FNIP2: variants seen among roughly 807,000 people sequenced by gnomAD.
The protein encoded by FNIP2 is folliculin interacting protein 2.
A neutral mutation model predicts 108.7 loss-of-function variants in FNIP2; 32 were observed. The observed-to-expected ratio is 0.29, with a 90% CI of 0.22 to 0.40. FNIP2 has a LOEUF of 0.40. Ranked by LOEUF, FNIP2 falls within the 10% of genes least tolerant of loss-of-function variation. FNIP2 has a pLI of 1.00. For missense variants in FNIP2, 1,202 were observed against 1,381.6 expected, an observed-to-expected ratio of 0.87 and a Z score of 2.06; for synonymous variants, 480 against 496.7, an observed-to-expected ratio of 0.97 and a Z score of 0.45.
Position 158,868,470 on chromosome 4 carries a change from C to T in FNIP2, c.1834C>T (p.Leu612Phe), listed in dbSNP as rs373911070. 2.0e-5 allele frequency: 33 copies of T among 1,613,942 alleles called. No individual in the cohort carries two copies. Among genetic ancestry groups the T allele is most frequent in the Middle Eastern group, 1.6e-4 (1 of 6,084 alleles). The change falls in exon 13 of 17, where the codon CTT (leucine) becomes TTT (phenylalanine). Residue 612 changes from leucine (L) to phenylalanine (F), a missense_variant. Leu to Phe is a conservative substitution (Grantham distance 22). Around this residue, in one of 5 missense-constraint regions of FNIP2, gnomAD observed 878 missense variants for 990.3 expected, o/e 0.89. Transcript: ENST00000264433. The surrounding 1 kb of genome is among the most constrained non-coding windows in gnomAD (Gnocchi z 4.6). The part of the protein sequence containing the change: ...PEGTDSRDLG[L>F]KPDKEANRRP... ...GGGCACTGACAGTAGAGACCTGGGT[C>T]TTAAACCTGACAAAGAAGCTAACAG...
intron 1 of FNIP2, among the ~76,000 whole-genome samples, chr4:158,774,149 A>G (rs1775784983): frequency 6.6e-6 from 1 of 152,240 alleles, no homozygotes; most frequent in Admixed American, 6.5e-5. Flanking sequence ...TTAAAAAGTA[A>G]AAGCAAGTTA....
chr4:158,774,103 A>C (rs1299413058), intron 1 of FNIP2, among the ~76,000 whole-genome samples: 2 of 152,230 alleles, frequency 1.3e-5, no homozygotes, highest in Non-Finnish European at 2.9e-5. Flanking sequence ...TGCATGTAAC[A>C]AAATTACACT....
chr4:158,871,362 A>G (rs1192336886), intron 14 of FNIP2: 1 of 984,918 alleles, frequency 1.0e-6, no homozygotes, highest in African/African-American at 1.7e-5. Flanking sequence ...TCGCATTAAG[A>G]AAATCAGAAT....
At chr4:158,772,167 G>A (rs1334671500) in intron 1 of FNIP2, among the ~76,000 whole-genome samples, 1 of 152,194 alleles carries the variant, frequency 6.6e-6, no homozygotes, top group Admixed American at 6.5e-5. Flanking sequence ...TTTGGGAGAA[G>A]TAGTCAGGAA....
At chr4:158,885,231 C>T (rs1781963558) in intron 14 of FNIP2, among the ~76,000 whole-genome samples, 1 of 152,102 alleles carries the variant, frequency 6.6e-6, no homozygotes, top group Admixed American at 6.5e-5. Context: ...CCCCATGATC[C>T]AAACTCCTCC....
chr4:158,823,266 T>G (rs1429918662), intron 1 of FNIP2, among the ~76,000 whole-genome samples: 1 of 152,138 alleles, frequency 6.6e-6, no homozygotes, highest in Non-Finnish European at 1.5e-5. Flanking sequence ...GACCTCATTT[T>G]ATTTATTTAT....
intron 16 of FNIP2, among the ~76,000 whole-genome samples, chr4:158,901,014 G>T (rs965116011): frequency 6.6e-6 from 1 of 151,858 alleles, no homozygotes; most frequent in South Asian, 2.1e-4. Context: ...AGGAGCTCTT[G>T]TAAGGCAGGC....
chr4:158,831,604 A>G (rs1778485680), intron 3 of FNIP2, among the ~76,000 whole-genome samples: 1 of 152,222 alleles, frequency 6.6e-6, no homozygotes, highest in African/African-American at 2.4e-5. Flanking sequence ...TAACACAAAT[A>G]AAAATGAACT....
chr4:158,830,819 T>G (rs543004684), intron 3 of FNIP2, among the ~76,000 whole-genome samples: 20 of 152,358 alleles, frequency 1.3e-4, no homozygotes, highest in Non-Finnish European at 2.5e-4. Context: ...CATTCATACC[T>G]GTCCTGTTCA....
chr4:158,891,483 G>A lies in FNIP2; in HGVS notation c.2987G>A (p.Cys996Tyr). Residue 996 changes from cysteine (C) to tyrosine (Y), a missense_variant, in exon 15 of 17, where the codon TGT becomes TAT. Transcript: ENST00000264433. ...VLDEPIAEAVCIIADTDKWSV... is the reference protein window; with the variant it reads ...VLDEPIAEAVYIIADTDKWSV... ...GATGAGCCAATAGCTGAAGCTGTCTGTATTATCGCAGACACGGATAAATGG... is the reference window on the plus strand; with the variant it reads ...GATGAGCCAATAGCTGAAGCTGTCTATATTATCGCAGACACGGATAAATGG... 1.2e-6 allele frequency: 2 copies of A among 1,606,952 alleles called. No homozygotes were observed. Among genetic ancestry groups the A allele is most frequent in the South Asian group, 1.1e-5 (1 of 89,612 alleles).
chr4:158,830,508 C>T (rs899596302), intron 3 of FNIP2, among the ~76,000 whole-genome samples: 19 of 151,730 alleles, frequency 1.3e-4, no homozygotes, highest in Non-Finnish European at 1.8e-4. Flanking sequence ...ATGATCCACC[C>T]GCCTCGGCCT....
At position 158,835,453 on chromosome 4, in the gene FNIP2, G is replaced by C; in HGVS notation, c.704G>C (p.Arg235Thr). 6.2e-7 allele frequency: 1 copy of C among 1,612,546 alleles called. No individual in the cohort carries two copies. Among genetic ancestry groups the C allele is most frequent in the Non-Finnish European group, 8.5e-7 (1 of 1,179,048 alleles). Reference sequence around the variant, plus strand: ...CCAAGCAGAGGACAGAATGAAGACAGGGACAGTGGCATTGCTCGATCAGGT... The same window carrying C: ...CCAAGCAGAGGACAGAATGAAGACACGGACAGTGGCATTGCTCGATCAGGT... The part of the protein sequence containing the change: ...DMPSRGQNED[R>T]DSGIARSASL... The change falls in exon 7 of 17, where the codon AGG becomes ACG. Residue 235 changes from arginine to threonine, a missense_variant. Transcript: ENST00000264433.
At chr4:158,844,288 A>G (rs1578902329) in intron 7 of FNIP2, among the ~76,000 whole-genome samples, 1 of 152,322 alleles carries the variant, frequency 6.6e-6, no homozygotes, top group East Asian at 1.9e-4. Context: ...GGGGGGGAAA[A>G]TAAATCCATC....
At chr4:158,796,615 A>G (rs1447731877) in intron 1 of FNIP2, among the ~76,000 whole-genome samples, 3 of 152,224 alleles carry the variant, frequency 2.0e-5, no homozygotes, top group Non-Finnish European at 2.9e-5. Flanking sequence ...GCAATCATCT[A>G]TGAGTTTAGC....
At position 158,906,824 on chromosome 4, in the gene FNIP2, A is replaced by C. The variant is rs1560855542; in HGVS notation, c.*2280A>C. 6.6e-6 allele frequency: 1 copy of C among 152,168 alleles called. No individual in the cohort carries two copies. The highest frequency in any genetic ancestry group is 1.5e-5 in the Non-Finnish European group (1 of 68,042). 9.4% of individuals were successfully genotyped at this position (152,168 alleles called of 1,614,324 possible). A position where few individuals can be genotyped will look rare whatever the true frequency, so the allele number is the denominator to read the frequency against. On this transcript the variant is annotated 3_prime_UTR_variant, in exon 17 of 17. Transcript: ENST00000264433. ...GCAAAAAAGAAAAAAAAAACCTCAC[A>C]GAATTGTGTTGAGATCCACCGCTCA...
At chr4:158,871,633 A>G in intron 14 of FNIP2, 1 of 985,394 alleles carries the variant, frequency 1.0e-6, no homozygotes, top group Non-Finnish European at 1.2e-6. Flanking sequence ...AGCCCAGTGT[A>G]CACGTGTGTG....
intron 7 of FNIP2, among the ~76,000 whole-genome samples, chr4:158,848,285 CAGAG>C (rs1477104699): frequency 3.9e-5 from 6 of 152,144 alleles, no homozygotes; most frequent in Non-Finnish European, 8.8e-5. Flanking sequence ...GGCAGCTCAG[CAGAG>C]AGAGAAAGAG....
intron 1 of FNIP2, among the ~76,000 whole-genome samples, chr4:158,784,577 G>A (rs1776154560): frequency 6.6e-6 from 1 of 152,286 alleles, no homozygotes; most frequent in South Asian, 2.1e-4. Context: ...TTCTGCAACT[G>A]GAAGGTCCCA....
At chr4:158,867,966 A>G (rs1780679286) in intron 12 of FNIP2, 136 bp from the exon 13 acceptor site, 1 of 1,242,214 alleles carries the variant, frequency 8.1e-7, no homozygotes, top group Non-Finnish European at 1.1e-6. Context: ...CTTACTAGAG[A>G]GTAGAAATCA....
Sources: allele counts gnomAD v4.1 joint callset (sites outside exome capture counted in the v4.1 genomes callset), GRCh38; gene constraint gnomAD v4.1.1; regional missense constraint gnomAD v4.1.1; non-coding constraint Gnocchi (gnomAD v3.1); transcripts MANE v1.5; gene names NCBI Gene and HGNC (gene_info 2026-07-23, HGNC 2026-07-21).